The following SRD5A2 variants were observed in gnomAD, a reference collection of about 807,000 sequenced individuals.
The protein encoded by SRD5A2 is 3-oxo-5-alpha-steroid 4-dehydrogenase 2.
Under a neutral mutation model 27.4 loss-of-function variants are expected in SRD5A2, and 30 were observed. That is an observed-to-expected ratio of 1.10 (90% CI 0.82 to 1.49). The LOEUF (loss-of-function observed/expected upper bound fraction) is 1.49, where lower values mean the gene tolerates loss of function less well. Among genes scored for constraint, SRD5A2 ranks in the 40% most tolerant of loss-of-function variants. SRD5A2 has a pLI of 0.00. For synonymous variants in SRD5A2, 141 were observed against 133.6 expected, an observed-to-expected ratio of 1.06 and a Z score of -0.38; for missense variants, 348 against 323.4, an observed-to-expected ratio of 1.08 and a Z score of -0.58.
Position 31,524,045 on chromosome 2 carries a change from A to AT in SRD5A2, c.*2150dup, listed in dbSNP as rs1486830404. Reference sequence around the variant, plus strand: ...TTAAGTCAAGGTTGGACTAAATACTATTTTAGAAAGCGCCCTCTTGTGGCA... The same window carrying AT: ...TTAAGTCAAGGTTGGACTAAATACTATTTTTAGAAAGCGCCCTCTTGTGGCA... On this transcript the variant is annotated 3_prime_UTR_variant, in exon 5 of 5. Coordinates refer to ENST00000622030, the MANE Select transcript of SRD5A2 (RefSeq NM_000348.4). 2 of 221,546 alleles carry AT rather than the reference A, an allele frequency of 9.0e-6. No homozygotes were observed. Among genetic ancestry groups the AT allele is most frequent in the Non-Finnish European group, 1.8e-5 (2 of 110,834 alleles). 13.7% of individuals were successfully genotyped at this position (221,546 alleles called of 1,614,324 possible).
At chr2:31,568,898 C>T (rs750346184) in intron 1 of SRD5A2, among the ~76,000 whole-genome samples, 3 of 152,248 alleles carry the variant, frequency 2.0e-5, no homozygotes, top group African/African-American at 4.8e-5. Flanking sequence ...CATGCCAGGC[C>T]GAGCAACAGC....
chr2:31,660,419 G>A, the SRD5A2 span, among the ~76,000 whole-genome samples: 1 of 151,880 alleles, frequency 6.6e-6, no homozygotes, highest in Non-Finnish European at 1.5e-5. Context: ...ACACCTCTAG[G>A]GATACAAAAA....
the SRD5A2 span, among the ~76,000 whole-genome samples, chr2:31,636,120 T>C: frequency 6.6e-6 from 1 of 152,098 alleles, no homozygotes; most frequent in Non-Finnish European, 1.5e-5. Context: ...ATCTGTGTAT[T>C]TCCTTGGGTA....
the SRD5A2 span, among the ~76,000 whole-genome samples, chr2:31,618,678 G>A: frequency 6.6e-6 from 1 of 152,094 alleles, no homozygotes; most frequent in African/African-American, 2.4e-5. Context: ...CTAAGGGTAA[G>A]AGGGAGAAAG....
chr2:31,621,988 G>A, the SRD5A2 span, among the ~76,000 whole-genome samples: 2 of 151,504 alleles, frequency 1.3e-5, no homozygotes, highest in Non-Finnish European at 2.9e-5. Flanking sequence ...TAAGTCAGGA[G>A]TACATGTACA....
chr2:31,538,035 C>T (rs901858496), intron 1 of SRD5A2, among the ~76,000 whole-genome samples: 14 of 152,096 alleles, frequency 9.2e-5, no homozygotes, highest in Admixed American at 2.6e-4. Context: ...GTTATAGCAG[C>T]GCAAAACAGA....
At chr2:31,662,109 T>A in the SRD5A2 span, among the ~76,000 whole-genome samples, 2 of 152,162 alleles carry the variant, frequency 1.3e-5, no homozygotes, top group Non-Finnish European at 2.9e-5. Context: ...CTTCTCTGCT[T>A]TTTCAAACAT....
At chr2:31,549,073 G>C (rs1049172041) in intron 1 of SRD5A2, among the ~76,000 whole-genome samples, 1 of 137,570 alleles carries the variant, frequency 7.3e-6, no homozygotes, top group African/African-American at 2.7e-5. Context: ...GGGGCTGGAA[G>C]TAGAGGGAAT....
At chr2:31,568,840 G>C (rs969743131) in intron 1 of SRD5A2, among the ~76,000 whole-genome samples, 1 of 152,228 alleles carries the variant, frequency 6.6e-6, no homozygotes, top group Non-Finnish European at 1.5e-5. Context: ...GTCTGGAGGG[G>C]GCCAAGGCGG....
the SRD5A2 span, among the ~76,000 whole-genome samples, chr2:31,636,367 T>C: frequency 1.3e-5 from 2 of 152,142 alleles, no homozygotes; most frequent in African/African-American, 4.8e-5. Context: ...CACTGATTTC[T>C]GTACATTGAT....
chr2:31,645,000 C>A, the SRD5A2 span, among the ~76,000 whole-genome samples: 1 of 152,112 alleles, frequency 6.6e-6, no homozygotes, highest in Non-Finnish European at 1.5e-5. Flanking sequence ...ACAACTTATT[C>A]TTTTCTGAAG....
chr2:31,556,103 G>C (rs1295362501), intron 1 of SRD5A2, among the ~76,000 whole-genome samples: 2 of 152,228 alleles, frequency 1.3e-5, no homozygotes, highest in African/African-American at 4.8e-5. Context: ...GGGCCAACCA[G>C]TCCTCTGAGC....
intron 4 of SRD5A2, chr2:31,527,520 G>A (rs182458918): frequency 3.3e-5 from 5 of 152,328 alleles, no homozygotes; most frequent in Admixed American, 3.3e-4. Context: ...ATCACAGGAT[G>A]AGGCCTCAAT....
intron 4 of SRD5A2, among the ~76,000 whole-genome samples, chr2:31,526,555 T>C (rs534347538): frequency 6.6e-6 from 1 of 152,278 alleles, no homozygotes; most frequent in South Asian, 2.1e-4. Flanking sequence ...GCTAAAGTGG[T>C]AAAATTTTTG....
chr2:31,630,306 A>G, the SRD5A2 span, among the ~76,000 whole-genome samples: 1 of 152,192 alleles, frequency 6.6e-6, no homozygotes, highest in Non-Finnish European at 1.5e-5. Flanking sequence ...ACAGAGAGAG[A>G]GAGACAGAGA....
At chr2:31,645,096 C>T in the SRD5A2 span, among the ~76,000 whole-genome samples, 1 of 152,162 alleles carries the variant, frequency 6.6e-6, no homozygotes, top group African/African-American at 2.4e-5. Context: ...ATTCTGGCAT[C>T]ACACTTGTTT....
chr2:31,622,102 C>T, the SRD5A2 span, among the ~76,000 whole-genome samples: 1 of 152,108 alleles, frequency 6.6e-6, no homozygotes, highest in Non-Finnish European at 1.5e-5. Context: ...AGCTATTCTT[C>T]CTGATGCTCT....
the SRD5A2 span, among the ~76,000 whole-genome samples, chr2:31,631,492 C>A: frequency 1.3e-5 from 2 of 152,052 alleles, no homozygotes; most frequent in Non-Finnish European, 2.9e-5. Flanking sequence ...CGTTCCCCCC[C>A]AAGGCAAAAA....
the SRD5A2 span, among the ~76,000 whole-genome samples, chr2:31,636,044 T>C: frequency 2.0e-5 from 3 of 152,128 alleles, no homozygotes; most frequent in Non-Finnish European, 2.9e-5. Flanking sequence ...TGTTATTCCA[T>C]ATAAATTTTA....
Sources: allele counts gnomAD v4.1 joint callset (sites outside exome capture counted in the v4.1 genomes callset), GRCh38; gene constraint gnomAD v4.1.1; transcripts MANE v1.5; gene names NCBI Gene and HGNC (gene_info 2026-07-23, HGNC 2026-07-21).